FXN: variants seen among roughly 807,000 people sequenced by gnomAD.
FXN encodes frataxin, mitochondrial.
Under a neutral mutation model 22.4 loss-of-function variants are expected in FXN, and 14 were observed. That is an observed-to-expected ratio of 0.62 (90% CI 0.41 to 0.98). FXN has a LOEUF of 0.98. Ranked by LOEUF, FXN falls within the 50% of genes least tolerant of loss-of-function variation. The pLI, the probability that FXN is intolerant of heterozygous loss-of-function variation, is 0.00. For missense variants in FXN, 267 were observed against 268.4 expected (o/e 0.99, Z 0.04); for synonymous variants, 120 against 114.1 (o/e 1.05, Z -0.33).
chr9:69,036,774 C>T (rs1831558121), intron 1 of FXN, among the ~76,000 whole-genome samples: 1 of 152,094 alleles, frequency 6.6e-6, no homozygotes, highest in Admixed American at 6.6e-5. Context: ...AGTTACGCCA[C>T]GGCTTGAAAG....
chr9:69,075,914 A>T lies in FXN; in HGVS notation c.*3152A>T, dbSNP rs542650633. On this transcript the variant is annotated 3_prime_UTR_variant, in exon 5 of 5. Transcript: ENST00000484259. ...GAGATGGGGTTTCACCATGTTGCCC[A>T]GGCTGGTCTCTAACACTTAGGCTCA... 11 of 643,302 alleles carry T rather than the reference A, an allele frequency of 1.7e-5. No homozygotes were observed. In the South Asian group the frequency reaches 7.0e-4, roughly 41 times the overall value. 39.8% of individuals were successfully genotyped at this position (643,302 alleles called of 1,614,324 possible).
chr9:69,070,377 G>C (rs1335018731), intron 4 of FXN, among the ~76,000 whole-genome samples: 1 of 152,204 alleles, frequency 6.6e-6, no homozygotes, highest in Non-Finnish European at 1.5e-5. Context: ...TTTTACAAGT[G>C]GCCTGTGGCT....
intron 4 of FXN, among the ~76,000 whole-genome samples, chr9:69,068,819 T>C (rs935588352): frequency 2.0e-5 from 3 of 152,194 alleles, no homozygotes; most frequent in Non-Finnish European, 4.4e-5. Context: ...CCAAACCCTC[T>C]GTTCGAGGGT....
rs996175802 is a variant in FXN at position 69,078,963 on chromosome 9, C to T, written c.*6201C>T. 17 of 924,590 alleles carry T rather than the reference C, an allele frequency of 1.8e-5. No individual in the cohort carries two copies. Among genetic ancestry groups the T allele is most frequent in the Non-Finnish European group, 2.2e-5 (17 of 774,680 alleles). 57.3% of individuals were successfully genotyped at this position (924,590 alleles called of 1,614,324 possible). A position where few individuals can be genotyped will look rare whatever the true frequency, so the allele number is the denominator to read the frequency against. ...GTGTCTCCTTTGTTGACTGCTGTTGCCCTAGCATCTTGCACAGTTCCTTGC... is the reference window on the plus strand; with the variant it reads ...GTGTCTCCTTTGTTGACTGCTGTTGTCCTAGCATCTTGCACAGTTCCTTGC... On this transcript the variant is annotated 3_prime_UTR_variant, in exon 5 of 5. Transcript: ENST00000484259.
At chr9:69,043,118 G>A (rs1437104843) in intron 1 of FXN, among the ~76,000 whole-genome samples, 1 of 152,118 alleles carries the variant, frequency 6.6e-6, no homozygotes, top group Non-Finnish European at 1.5e-5. Context: ...GTGCAGAGCG[G>A]CAAAAAAATG....
chr9:69,062,476 G>GA (rs1057243780), intron 3 of FXN, among the ~76,000 whole-genome samples: 17 of 151,636 alleles, frequency 1.1e-4, no homozygotes, highest in African/African-American at 4.1e-4. Context: ...TGGGTTTCAG[G>GA]AAAAAAAATG....
At position 69,046,058 on chromosome 9, in the gene FXN, C is replaced by T. The variant is rs564137122; in HGVS notation, c.166-327C>T. Among the ~76,000 whole-genome samples the T allele has an allele frequency of 2.0e-5, 3 of 152,196 alleles. No homozygotes were observed. In the South Asian group the frequency reaches 6.2e-4, roughly 32 times the overall value. On this transcript the variant is annotated intron_variant, in intron 1 of 4. Coordinates refer to ENST00000484259, the MANE Select transcript of FXN (RefSeq NM_000144.5). ...TCCGTGATGGGTTTGCTTTGGTCTGCGAATCTACTGTCATGTGGAGAGATC... is the reference window on the plus strand; with the variant it reads ...TCCGTGATGGGTTTGCTTTGGTCTGTGAATCTACTGTCATGTGGAGAGATC...
chr9:69,077,606 C>T lies in FXN; in HGVS notation c.*4844C>T. ...CTTGTGTTTCTGTGATCTGTGGGAA[C>T]ATTGTTAACGCCACATCTTGACCTC... On this transcript the variant is annotated 3_prime_UTR_variant, in exon 5 of 5. Coordinates refer to ENST00000484259, the MANE Select transcript of FXN (RefSeq NM_000144.5). 2 of 985,424 alleles carry T rather than the reference C, an allele frequency of 2.0e-6. No homozygotes were observed. Among genetic ancestry groups the T allele is most frequent in the Non-Finnish European group, 2.4e-6 (2 of 829,962 alleles). 61.0% of individuals were successfully genotyped at this position (985,424 alleles called of 1,614,324 possible).
intron 2 of FXN, among the ~76,000 whole-genome samples, chr9:69,047,868 G>C (rs1466149278): frequency 4.6e-5 from 7 of 152,028 alleles, no homozygotes; most frequent in African/African-American, 1.7e-4. Flanking sequence ...TAGGCGTGCA[G>C]TGCCACACCT....
At chr9:69,064,330 T>C (rs1038213937) in intron 3 of FXN, among the ~76,000 whole-genome samples, 1 of 152,234 alleles carries the variant, frequency 6.6e-6, no homozygotes, top group African/African-American at 2.4e-5. Flanking sequence ...AATAAAGCCT[T>C]GGAGGAGTAT....
intron 3 of FXN, among the ~76,000 whole-genome samples, chr9:69,053,926 C>T (rs574156799): frequency 3.8e-4 from 58 of 152,306 alleles, no homozygotes; most frequent in Non-Finnish European, 4.7e-4. Flanking sequence ...ATTTTGATTA[C>T]TTGGTCTGGG....
intron 4 of FXN, among the ~76,000 whole-genome samples, chr9:69,068,622 A>G (rs780745566): frequency 2.0e-5 from 3 of 152,206 alleles, no homozygotes; most frequent in Non-Finnish European, 4.4e-5. Flanking sequence ...CAAGGAACCT[A>G]TAAATACCCT....
In FXN at chr9:69,074,371, AG is replaced by A; in HGVS notation, c.*1610del. On this transcript the variant is annotated 3_prime_UTR_variant, in exon 5 of 5. Coordinates refer to ENST00000484259, the MANE Select transcript of FXN (RefSeq NM_000144.5). ...CATGTTATATTATTTTCTTACTTAA[AG>A]AAGGATTTATTAGTGGCTGGGCATG... is the stretch of plus-strand genomic sequence containing the variant. The A allele has an allele frequency of 3.0e-6, 3 of 985,238 alleles. No homozygotes were observed. The highest frequency in any genetic ancestry group is 3.6e-6 in the Non-Finnish European group (3 of 829,836). The allele number at this position is 985,238 out of a possible 1,614,324, so 61.0% of individuals were successfully genotyped here.
chr9:69,046,526 C>T, intron 2 of FXN, 44 bp downstream of exon 2: 1 of 1,344,636 alleles, frequency 7.4e-7, no homozygotes. Context: ...TTCCTCTCTC[C>T]TTCCCTGCCT....
At chr9:69,051,337 C>T (rs1398064547) in intron 2 of FXN, among the ~76,000 whole-genome samples, 1 of 152,112 alleles carries the variant, frequency 6.6e-6, no homozygotes, top group Admixed American at 6.5e-5. Flanking sequence ...CTCCCTTGGC[C>T]TCCCAAAGTT....
In FXN at chr9:69,053,160, A is replaced by G. The variant is rs1184832782; in HGVS notation, c.284A>G (p.Tyr95Cys). The change falls in exon 3 of 5, where the codon TAT becomes TGT. Residue 95 changes from tyrosine (Y) to cysteine (C), a missense_variant. Physicochemically the swap from Tyr to Cys is radical, Grantham distance 194. Coordinates refer to ENST00000484259, the MANE Select transcript of FXN (RefSeq NM_000144.5). Reference protein sequence around the residue: ...GHPGSLDETTYERLAEETLDS... With the variant: ...GHPGSLDETTCERLAEETLDS... Reference sequence around the variant, plus strand: ...TGCAGCTCTCTAGATGAGACCACCTATGAAAGACTAGCAGAGGAAACGCTG... The same window carrying G: ...TGCAGCTCTCTAGATGAGACCACCTGTGAAAGACTAGCAGAGGAAACGCTG... 3.1e-6 allele frequency: 5 copies of G among 1,613,958 alleles called. No homozygotes were observed. Among genetic ancestry groups the G allele is most frequent in the Admixed American group, 1.7e-5 (1 of 60,012 alleles).
intron 3 of FXN, among the ~76,000 whole-genome samples, chr9:69,062,372 AAGTGCC>A (rs1832091011): frequency 6.6e-6 from 1 of 152,192 alleles, no homozygotes; most frequent in Non-Finnish European, 1.5e-5. Context: ...TGGGCTCCCG[AAGTGCC>A]AGGATACAAG....
In FXN at chr9:69,074,745, A is replaced by G. The variant is rs1470381992; in HGVS notation, c.*1983A>G. On this transcript the variant is annotated 3_prime_UTR_variant, in exon 5 of 5. Coordinates refer to ENST00000484259, the MANE Select transcript of FXN (RefSeq NM_000144.5). ...CAAGATCCTATCTCTTAAAAAAAGA[A>G]AAAAAAACCTATTAATAATAAAACA... The G allele has an allele frequency of 4.4e-6, 4 of 899,154 alleles. No homozygotes were observed. Among genetic ancestry groups the G allele is most frequent in the African/African-American group, 1.8e-5 (1 of 55,390 alleles). 55.7% of individuals were successfully genotyped at this position (899,154 alleles called of 1,614,324 possible).
chr9:69,071,359 C>A (rs1239530743), intron 4 of FXN: 1 of 507,384 alleles, frequency 2.0e-6, no homozygotes, highest in Non-Finnish European at 3.9e-6. Context: ...GCCCAAGCTT[C>A]CCTTCCTGGT....
Sources: allele counts gnomAD v4.1 joint callset (sites outside exome capture counted in the v4.1 genomes callset), GRCh38; gene constraint gnomAD v4.1.1; transcripts MANE v1.5; gene names NCBI Gene and HGNC (gene_info 2026-07-23, HGNC 2026-07-21).